The following TENM2 variants were observed in gnomAD, a reference collection of about 807,000 sequenced individuals.
TENM2 encodes teneurin transmembrane protein 2, also known as teneurin-2.
Under a neutral mutation model 245.2 loss-of-function variants are expected in TENM2, and 52 were observed. The observed-to-expected ratio is 0.21, with a 90% CI of 0.17 to 0.27. The LOEUF is 0.27. Ranked by LOEUF, TENM2 falls within the 10% of genes least tolerant of loss-of-function variation. The pLI is 1.00. For synonymous variants in TENM2, 1,363 were observed against 1,438.9 expected (o/e 0.95, Z 1.19); for missense variants, 3,046 against 3,666.8 (o/e 0.83, Z 4.37).
chr5:167,914,409 C>T (rs1776771516), intron 3 of TENM2, among the ~76,000 whole-genome samples: 1 of 152,118 alleles, frequency 6.6e-6, no homozygotes, highest in Non-Finnish European at 1.5e-5. Flanking sequence ...GAGTCTTTCT[C>T]ATGCTCCTGT....
At chr5:167,490,199 A>C (rs1768337935) in intron 2 of TENM2, among the ~76,000 whole-genome samples, 1 of 152,142 alleles carries the variant, frequency 6.6e-6, no homozygotes, top group African/African-American at 2.4e-5. Context: ...ACTGAGCCAC[A>C]CTTTATATTG....
At chr5:167,159,953 A>G in the TENM2 span, among the ~76,000 whole-genome samples, 1 of 152,186 alleles carries the variant, frequency 6.6e-6, no homozygotes, top group Non-Finnish European at 1.5e-5. Context: ...ACCATTCAGA[A>G]AGTGGGGTGA....
At chr5:167,200,317 C>T in the TENM2 span, among the ~76,000 whole-genome samples, 92 of 152,204 alleles carry the variant, frequency 6.0e-4, 1 homozygote, top group East Asian at 0.012. Flanking sequence ...GGGACCACTC[C>T]ATACCAGTTC....
At chr5:168,098,579 A>G (rs1793553361) in intron 9 of TENM2, among the ~76,000 whole-genome samples, 1 of 152,172 alleles carries the variant, frequency 6.6e-6, no homozygotes, top group Non-Finnish European at 1.5e-5. Context: ...TAATTTATCT[A>G]CACTGCTGTG....
At chr5:168,195,797 C>T (rs956929134) in intron 15 of TENM2, among the ~76,000 whole-genome samples, 3 of 151,842 alleles carry the variant, frequency 2.0e-5, no homozygotes, top group African/African-American at 7.3e-5. Context: ...GAGGGGGTGG[C>T]GTGTAATCAG....
At chr5:168,172,824 G>A (rs1275909433) in intron 13 of TENM2, among the ~76,000 whole-genome samples, 1 of 152,180 alleles carries the variant, frequency 6.6e-6, no homozygotes, top group East Asian at 1.9e-4. Context: ...CAAGGTGTTA[G>A]CAAGCAGCAC....
At chr5:167,460,455 G>A (rs1766227802) in intron 2 of TENM2, among the ~76,000 whole-genome samples, 1 of 152,094 alleles carries the variant, frequency 6.6e-6, no homozygotes, top group South Asian at 2.1e-4. Context: ...CTTAAAAACT[G>A]TGAAGGGTTC....
intron 5 of TENM2, among the ~76,000 whole-genome samples, chr5:168,013,728 G>T (rs928465565): frequency 4.6e-5 from 7 of 152,224 alleles, no homozygotes; most frequent in Admixed American, 2.0e-4. Flanking sequence ...CTGAAGGAGA[G>T]TGTATTAGTT....
At chr5:167,247,389 G>A in the TENM2 span, among the ~76,000 whole-genome samples, 1 of 152,130 alleles carries the variant, frequency 6.6e-6, no homozygotes, top group Non-Finnish European at 1.5e-5. Flanking sequence ...TTTGAAATGG[G>A]AGGATACTTT....
chr5:167,993,504 C>A (rs185196233), intron 5 of TENM2, among the ~76,000 whole-genome samples: 199 of 152,336 alleles, frequency 1.3e-3, no homozygotes, highest in Admixed American at 0.012. Context: ...TTCTAGTTTT[C>A]TCCATCCTTG....
chr5:168,164,811 A>G (rs895856682), intron 13 of TENM2, among the ~76,000 whole-genome samples: 3 of 152,188 alleles, frequency 2.0e-5, no homozygotes, highest in Non-Finnish European at 2.9e-5. Flanking sequence ...AGGAAGATCC[A>G]TGAGTCCAAT....
intron 5 of TENM2, among the ~76,000 whole-genome samples, chr5:168,001,200 G>A (rs753527928): frequency 5.9e-5 from 9 of 152,146 alleles, no homozygotes; most frequent in Non-Finnish European, 1.2e-4. Flanking sequence ...AATTGCCTCC[G>A]TTCCCAAATT....
At chr5:167,900,383 C>G (rs903477084) in intron 3 of TENM2, among the ~76,000 whole-genome samples, 42 of 152,050 alleles carry the variant, frequency 2.8e-4, no homozygotes, top group Admixed American at 9.8e-4. Flanking sequence ...AATTACGGTA[C>G]TGAGAGGTTA....
intron 2 of TENM2, among the ~76,000 whole-genome samples, chr5:167,737,070 T>G (rs1760851282): frequency 6.6e-6 from 1 of 152,232 alleles, no homozygotes; most frequent in East Asian, 1.9e-4. Context: ...CAGATCTTTC[T>G]GCCTTCCAGA....
At chr5:167,481,504 A>C (rs758163690) in intron 2 of TENM2, among the ~76,000 whole-genome samples, 7 of 152,198 alleles carry the variant, frequency 4.6e-5, no homozygotes, top group Non-Finnish European at 8.8e-5. Context: ...CATACTACAA[A>C]GGCACGGTTC....
intron 2 of TENM2, among the ~76,000 whole-genome samples, chr5:167,822,846 T>C (rs984215440): frequency 2.6e-5 from 4 of 152,234 alleles, no homozygotes; most frequent in Non-Finnish European, 5.9e-5. Flanking sequence ...ACCAATGCAA[T>C]TGCATTTCTA....
At chr5:168,251,293 C>A (rs1272085006) in intron 27 of TENM2, among the ~76,000 whole-genome samples, 1 of 152,236 alleles carries the variant, frequency 6.6e-6, no homozygotes, top group Non-Finnish European at 1.5e-5. Flanking sequence ...ACCTGGCTCT[C>A]CAGAAAAGGC....
the TENM2 span, among the ~76,000 whole-genome samples, chr5:167,278,188 C>T: frequency 6.6e-6 from 1 of 152,008 alleles, no homozygotes; most frequent in South Asian, 2.1e-4. Context: ...CTTGTAGTCC[C>T]AGCTACTCAG....
chr5:167,555,930 C>T (rs1773234744), intron 2 of TENM2, among the ~76,000 whole-genome samples: 2 of 152,094 alleles, frequency 1.3e-5, no homozygotes, highest in Non-Finnish European at 2.9e-5. Context: ...AGAAAGGAAC[C>T]TTGCTGTTTT....
Sources: gnomAD v4.1 joint callset for allele counts (sites outside exome capture counted in the v4.1 genomes callset) on GRCh38, gnomAD v4.1.1 for gene constraint, MANE v1.5 for transcripts, NCBI Gene and HGNC (gene_info 2026-07-23, HGNC 2026-07-21) for gene names.